MSI2: variants seen among roughly 807,000 people sequenced by gnomAD.
The protein encoded by MSI2 is musashi RNA binding protein 2.
Under a neutral mutation model 45.6 loss-of-function variants are expected in MSI2, and 17 were observed. That is an observed-to-expected ratio of 0.37 (90% confidence interval 0.26 to 0.56). The LOEUF (loss-of-function observed/expected upper bound fraction) is 0.56. Among genes scored for constraint, MSI2 ranks in the 20% least tolerant of loss-of-function variants. MSI2 has a pLI of 0.77. For synonymous variants in MSI2, 156 were observed against 158.2 expected (o/e 0.99, Z 0.11); for missense variants, 293 against 444.2 (o/e 0.66, Z 3.06).
chr17:57,616,313 A>C, intron 9 of MSI2: 1 of 402,264 alleles, frequency 2.5e-6, no homozygotes, highest in Non-Finnish European at 4.4e-6. Context: ...GTTTGTATTT[A>C]TAATATTGCC....
chr17:57,590,409 G>A lies in MSI2; in HGVS notation c.455-6459G>A, dbSNP rs138132517. The stretch of plus-strand genomic sequence containing the variant: ...TTGAGGTATCTCGTTTTCAGATTTC[G>A]ATCTTCTTCTTCTGTGTATGTGGTC... On this transcript the variant is annotated intron_variant, in intron 7 of 13. Transcript: ENST00000284073. Among the ~76,000 whole-genome samples the A allele has an allele frequency of 2.7e-3, 415 of 152,186 alleles. 1 individual carries two copies. The highest frequency in any genetic ancestry group is 9.2e-3 in the African/African-American group (383 of 41,522).
chr17:57,277,053 C>CTTTT (rs34561938), intron 5 of MSI2, among the ~76,000 whole-genome samples: 5 of 124,982 alleles, frequency 4.0e-5, no homozygotes, highest in Admixed American at 8.2e-5. Flanking sequence ...GTTTTCTTTT[C>CTTTT]TTTTTTTTTT....
At chr17:57,502,093 G>A (rs1164726669) in intron 6 of MSI2, among the ~76,000 whole-genome samples, 3 of 152,106 alleles carry the variant, frequency 2.0e-5, no homozygotes, top group Non-Finnish European at 4.4e-5. Flanking sequence ...GGGCCCACCA[G>A]CGATGTGGGG....
chr17:57,396,393 A>G (rs1266939052), intron 5 of MSI2, among the ~76,000 whole-genome samples: 2 of 128,882 alleles, frequency 1.6e-5, no homozygotes, highest in Admixed American at 1.8e-4. Flanking sequence ...CACACACACA[A>G]AACACACACA....
intron 6 of MSI2, among the ~76,000 whole-genome samples, chr17:57,464,643 A>T (rs2085297366): frequency 6.6e-6 from 1 of 152,100 alleles, no homozygotes; most frequent in African/African-American, 2.4e-5. Context: ...TTCAGCTGGA[A>T]GGAGGAGATG....
chr17:57,423,032 C>T (rs903993135), intron 6 of MSI2, among the ~76,000 whole-genome samples: 4 of 152,088 alleles, frequency 2.6e-5, no homozygotes, highest in African/African-American at 9.7e-5. Flanking sequence ...ACTAAAGGGG[C>T]CACCTCATCT....
chr17:57,514,619 T>C (rs2086428175), intron 6 of MSI2, among the ~76,000 whole-genome samples: 1 of 151,946 alleles, frequency 6.6e-6, no homozygotes, highest in Non-Finnish European at 1.5e-5. Context: ...AAAAACATAC[T>C]TGTTGGGTCT....
intron 6 of MSI2, among the ~76,000 whole-genome samples, chr17:57,527,179 G>A (rs1011694609): frequency 2.0e-5 from 3 of 152,266 alleles, no homozygotes; most frequent in African/African-American, 7.2e-5. Flanking sequence ...TCAAAATAAG[G>A]ATTTGGCAAA....
intron 6 of MSI2, among the ~76,000 whole-genome samples, chr17:57,429,623 C>T (rs993195430): frequency 6.6e-6 from 1 of 152,186 alleles, no homozygotes; most frequent in Non-Finnish European, 1.5e-5. Context: ...CACCTCCCCA[C>T]CCCTGGTTAG....
At chr17:57,501,618 C>A (rs888908715) in intron 6 of MSI2, among the ~76,000 whole-genome samples, 3 of 152,174 alleles carry the variant, frequency 2.0e-5, no homozygotes, top group African/African-American at 4.8e-5. Flanking sequence ...GAGATTCTGG[C>A]GTGCTCAGGG....
chr17:57,373,660 G>T (rs1381168128), intron 5 of MSI2, among the ~76,000 whole-genome samples: 1 of 152,180 alleles, frequency 6.6e-6, no homozygotes, highest in Non-Finnish European at 1.5e-5. Context: ...CTGTCATCTG[G>T]AAGTCCCCAC....
At chr17:57,649,479 C>G (rs866962177) in intron 10 of MSI2, among the ~76,000 whole-genome samples, 5 of 151,904 alleles carry the variant, frequency 3.3e-5, no homozygotes, top group Admixed American at 6.6e-5. Flanking sequence ...CCACATACAC[C>G]CAACACACAT....
chr17:57,549,164 C>T (rs772012766), intron 7 of MSI2, among the ~76,000 whole-genome samples: 31 of 152,172 alleles, frequency 2.0e-4, no homozygotes, highest in African/African-American at 6.8e-4. Flanking sequence ...CGTGAGCCGC[C>T]GGGCGCCGGC....
At chr17:57,319,903 T>C (rs915595038) in intron 5 of MSI2, among the ~76,000 whole-genome samples, 4 of 152,148 alleles carry the variant, frequency 2.6e-5, no homozygotes, top group Non-Finnish European at 5.9e-5. Context: ...CACGAGCTAC[T>C]GTGCCCAGCC....
At chr17:57,658,085 G>C (rs146335880) in intron 11 of MSI2, among the ~76,000 whole-genome samples, 30 of 152,306 alleles carry the variant, frequency 2.0e-4, no homozygotes, top group Admixed American at 7.2e-4. Context: ...AAGATCTGAT[G>C]GGGGGCGGAG....
intron 5 of MSI2, among the ~76,000 whole-genome samples, chr17:57,328,584 C>T (rs1418052378): frequency 6.6e-6 from 1 of 152,184 alleles, no homozygotes; most frequent in African/African-American, 2.4e-5. Flanking sequence ...GCAGTTTTTG[C>T]CGGTTACACA....
chr17:57,539,380 A>C (rs1167677666), intron 7 of MSI2, among the ~76,000 whole-genome samples: 1 of 151,890 alleles, frequency 6.6e-6, no homozygotes, highest in African/African-American at 2.4e-5. Context: ...ACAACGTGAA[A>C]GAGACTTTTT....
At chr17:57,356,516 C>T (rs1042378365) in intron 5 of MSI2, among the ~76,000 whole-genome samples, 4 of 152,100 alleles carry the variant, frequency 2.6e-5, no homozygotes, top group Non-Finnish European at 5.9e-5. Flanking sequence ...TCAGCAAGAT[C>T]CCCCCTCCCC....
intron 7 of MSI2, among the ~76,000 whole-genome samples, chr17:57,538,247 G>T (rs2086964437): frequency 6.6e-6 from 1 of 152,160 alleles, no homozygotes; most frequent in Non-Finnish European, 1.5e-5. Flanking sequence ...TGGGCCAGGG[G>T]TCGCCGCAAG....
Sources: gnomAD v4.1 joint callset for allele counts (sites outside exome capture counted in the v4.1 genomes callset) on GRCh38, gnomAD v4.1.1 for gene constraint, MANE v1.5 for transcripts, NCBI Gene and HGNC (gene_info 2026-07-23, HGNC 2026-07-21) for gene names.